COL6A3: variants seen among roughly 807,000 people sequenced by gnomAD.
COL6A3 encodes the protein collagen type VI alpha 3 chain.
A neutral mutation model predicts 274.1 loss-of-function variants in COL6A3; 137 were observed. The ratio of observed to expected loss-of-function variants is 0.50; its 90% CI spans 0.44 to 0.58. COL6A3 has a LOEUF of 0.58. Among genes scored for constraint, COL6A3 ranks in the 20% least tolerant of loss-of-function variants. The probability of loss-of-function intolerance (pLI) is 0.00; values close to 1 mark genes in which losing one functional copy is unlikely to be tolerated. For missense variants in COL6A3, 3,950 were observed against 4,124.9 expected (o/e 0.96, Z 1.16); for synonymous variants, 1,650 against 1,650.6 (o/e 1.00, Z 0.01).
Position 237,388,073 on chromosome 2 carries a change from A to G in COL6A3, c.821T>C (p.Ile274Thr), listed in dbSNP as rs1334986893. ...CCCCACTCGGATCTGCTGAGTTCCAATTGGGAGTTTCTCAAGGAGATTTAC... is the reference window on the plus strand; with the variant it reads ...CCCCACTCGGATCTGCTGAGTTCCAGTTGGGAGTTTCTCAAGGAGATTTAC... ...FLVNLLEKLP[I>T]GTQQIRVGVV... is the part of the protein sequence containing the mutation. Residue 274 changes from isoleucine to threonine, a missense_variant, in exon 4 of 44, where the codon ATT (isoleucine) becomes ACT (threonine). Around this residue, in one of 5 missense-constraint regions of COL6A3, gnomAD observed 1,934 missense variants for 1,984.3 expected, o/e 0.97. Transcript: ENST00000295550. 1.7e-5 allele frequency: 28 copies of G among 1,614,108 alleles called. No homozygotes were observed. The highest frequency in any genetic ancestry group is 2.2e-5 in the East Asian group (1 of 44,898).
Position 237,369,033 on chromosome 2 carries a change from A to T in COL6A3, c.4430T>A (p.Val1477Asp). 6.2e-7 allele frequency: 1 copy of T among 1,614,140 alleles called. No homozygotes were observed. The highest frequency in any genetic ancestry group is 1.1e-5 in the South Asian group (1 of 91,080). The change falls in exon 10 of 44, where the codon GTC becomes GAC. Residue 1477 changes from valine to aspartate, a missense_variant. Physicochemically the swap from Val to Asp is radical, Grantham distance 152 (BLOSUM62 -3). Transcript: ENST00000295550. ...GAAGACATCATTGCTGAACTGCACG[A>T]CCCCAACTCTCACTTTACTGGGGCC... ...NIGPSKVRVG[V>D]VQFSNDVFPE...
In COL6A3 at chr2:237,407,990, C is replaced by A. The variant is rs1342093554; in HGVS notation, c.-31+5963G>T. On this transcript the variant is annotated intron_variant, in intron 1 of 43. Coordinates refer to ENST00000295550, the MANE Select transcript of COL6A3 (RefSeq NM_004369.4). This position sits in a 1 kb window ranked among gnomAD's most constrained non-coding sequence, Gnocchi z 4.3. ...CTTATTCCTGTCTTTTCCTTCTTGG[C>A]AATGAACTAAGGTGCTACTGACCTT... 1.3e-5 allele frequency among the ~76,000 whole-genome samples: 2 copies of A among 152,186 alleles called. No homozygotes were observed. The highest frequency in any genetic ancestry group is 1.9e-4 in the East Asian group (1 of 5,200).
Position 237,381,336 on chromosome 2 carries a change from A to G in COL6A3, c.1476T>C (p.Thr492=), listed in dbSNP as rs773433402. 6.2e-7 allele frequency: 1 copy of G among 1,614,218 alleles called. No individual in the cohort carries two copies. Residue 492 remains threonine (T), a synonymous_variant, in exon 5 of 44, where the codon ACT becomes ACC. Transcript: ENST00000295550. The part of the protein sequence containing the change: ...IQVAVAQYAD[T]VRPEFYFNTH... ...TATTGAAATAAAATTCAGGCCTCAC[A>G]GTGTCTGCATACTGGGCCACTGCCA...
rs1574951990 is a variant in COL6A3 at position 237,346,629 on chromosome 2, A to G, written c.7030-64T>C. ...AAAGTGGAGAATTTAAGGCTCCTAT[A>G]GTTGGAAGGTACGGTAAAAGTGATC... On this transcript the variant is annotated intron_variant, in intron 31 of 43. Transcript: ENST00000295550. 10 of 1,453,386 alleles carry G rather than the reference A, an allele frequency of 6.9e-6. No individual in the cohort carries two copies. In the East Asian group the frequency reaches 2.3e-4, roughly 33 times the overall value. The allele number at this position is 1,453,386 out of a possible 1,614,324, so 90.0% of individuals were successfully genotyped here. A position where few individuals can be genotyped will look rare whatever the true frequency, so the allele number is the denominator to read the frequency against.
chr2:237,326,708 C>T (rs913599962), intron 42 of COL6A3: 21 of 152,202 alleles, frequency 1.4e-4, no homozygotes, highest in African/African-American at 4.1e-4. Flanking sequence ...CCAGCTCTCC[C>T]CTACAAAGAG....
intron 1 of COL6A3, among the ~76,000 whole-genome samples, chr2:237,403,495 A>C (rs1445571708): frequency 6.6e-6 from 1 of 152,172 alleles, no homozygotes; most frequent in Non-Finnish European, 1.5e-5. Flanking sequence ...GAAATGCATC[A>C]ACAGTGAGAA....
chr2:237,324,682 A>C lies in COL6A3; in HGVS notation c.*92T>G. Reference sequence around the variant, plus strand: ...ATCAAAGCATGAAATGATACAGTGCAAGGGAATCTACACCCGGAGCTTCTA... The same window carrying C: ...ATCAAAGCATGAAATGATACAGTGCCAGGGAATCTACACCCGGAGCTTCTA... On this transcript the variant is annotated 3_prime_UTR_variant, in exon 44 of 44. Coordinates refer to ENST00000295550, the MANE Select transcript of COL6A3 (RefSeq NM_004369.4). 1 of 1,157,376 alleles carries C rather than the reference A, an allele frequency of 8.6e-7. No individual in the cohort carries two copies. Among genetic ancestry groups the C allele is most frequent in the Non-Finnish European group, 1.3e-6 (1 of 770,934 alleles). 71.7% of individuals were successfully genotyped at this position (1,157,376 alleles called of 1,614,324 possible).
intron 1 of COL6A3, among the ~76,000 whole-genome samples, chr2:237,401,278 T>C (rs1319388008): frequency 6.6e-6 from 1 of 152,228 alleles, no homozygotes; most frequent in Non-Finnish European, 1.5e-5. Flanking sequence ...CTCAAAGATA[T>C]ATGTGCACAC....
At position 237,374,501 on chromosome 2, in the gene COL6A3, A is replaced by C; in HGVS notation, c.3590T>G (p.Val1197Gly). ...AIPTFRQLGT[V>G]QQVISERVTQ... is the part of the protein sequence containing the mutation. ...CACCCTCTCAGAGATGACCTGTTGGACGGTCCCCAGCTGGCGAAAGGTGGG... is the reference window on the plus strand; with the variant it reads ...CACCCTCTCAGAGATGACCTGTTGGCCGGTCCCCAGCTGGCGAAAGGTGGG... Residue 1197 changes from valine to glycine, a missense_variant, in exon 8 of 44, where the codon GTC becomes GGC. Coordinates refer to ENST00000295550, the MANE Select transcript of COL6A3 (RefSeq NM_004369.4). The surrounding 1 kb of genome is among the most constrained non-coding windows in gnomAD (Gnocchi z 4.8). 1 of 1,614,096 alleles carries C rather than the reference A, an allele frequency of 6.2e-7. No homozygotes were observed. Among genetic ancestry groups the C allele is most frequent in the Non-Finnish European group, 8.5e-7 (1 of 1,180,008 alleles).
chr2:237,369,717 T>C (rs944226106), intron 9 of COL6A3, among the ~76,000 whole-genome samples: 1 of 152,246 alleles, frequency 6.6e-6, no homozygotes, highest in African/African-American at 2.4e-5. Flanking sequence ...CAGTGCCATA[T>C]CCAAGGGGTC....
intron 29 of COL6A3, 106 bp downstream of exon 29, chr2:237,348,507 A>G: frequency 7.2e-7 from 1 of 1,388,692 alleles, no homozygotes; most frequent in Non-Finnish European, 1.0e-6. Flanking sequence ...TCAAATACAA[A>G]GACAATTTTT....
At chr2:237,362,865 T>C (rs2077468315) in intron 14 of COL6A3, among the ~76,000 whole-genome samples, 1 of 152,220 alleles carries the variant, frequency 6.6e-6, no homozygotes, top group South Asian at 2.1e-4. Flanking sequence ...TTTCTTTTCC[T>C]GCATGTTGTT....
intron 16 of COL6A3, among the ~76,000 whole-genome samples, 164 bp from the exon 17 acceptor site, chr2:237,360,323 G>T (rs562092375): frequency 8.8e-4 from 134 of 152,268 alleles, no homozygotes; most frequent in African/African-American, 3.1e-3. Flanking sequence ...AGCCTCTTGG[G>T]CCCCTGCATG....
chr2:237,403,741 G>A (rs562309188), intron 1 of COL6A3, among the ~76,000 whole-genome samples: 2 of 152,116 alleles, frequency 1.3e-5, no homozygotes, highest in East Asian at 1.9e-4. Context: ...CTTTAGCCCG[G>A]TCGCAGCACA....
At chr2:237,391,678 C>T (rs1361110749) in intron 3 of COL6A3, among the ~76,000 whole-genome samples, 1 of 152,122 alleles carries the variant, frequency 6.6e-6, no homozygotes, top group African/African-American at 2.4e-5. Flanking sequence ...ACGCCCACCA[C>T]CACACCTGGC....
Position 237,381,511 on chromosome 2 carries a change from A to G in COL6A3, c.1313-12T>C. 1 of 1,592,100 alleles carries G rather than the reference A, an allele frequency of 6.3e-7. No homozygotes were observed. Among genetic ancestry groups the G allele is most frequent in the Non-Finnish European group, 8.5e-7 (1 of 1,172,836 alleles). On this transcript the variant is annotated splice_polypyrimidine_tract_variant and intron_variant, in intron 4 of 43. Transcript: ENST00000295550. ...GTTGACTTCAATGACTGTAGGTGGCAACATTATAAGGCAATTAGAATGGCC... is the reference window on the plus strand; with the variant it reads ...GTTGACTTCAATGACTGTAGGTGGCGACATTATAAGGCAATTAGAATGGCC...
Position 237,371,925 on chromosome 2 carries a change from C to T in COL6A3, c.4092G>A (p.Val1364=), listed in dbSNP as rs1344496205. 7 of 1,613,942 alleles carry T rather than the reference C, an allele frequency of 4.3e-6. No homozygotes were observed. The highest frequency in any genetic ancestry group is 5.9e-6 in the Non-Finnish European group (7 of 1,180,042). ...DPAVELKQFG[V]APFTIARNAD... ...CGTTCCTGGCGATCGTGAAAGGGGC[C>T]ACGCCAAACTGCTTGAGCTCCACCG... Residue 1364 remains valine, a synonymous_variant, in exon 9 of 44, where the codon GTG becomes GTA. Transcript: ENST00000295550. This position sits in a 1 kb window ranked among gnomAD's most constrained non-coding sequence, Gnocchi z 4.3.
chr2:237,332,070 C>CATATATAT lies in COL6A3; in HGVS notation c.9328+1372_9328+1379dup, dbSNP rs58082340. ...CCCCCCATCTCTCTCTCTCTCTCTA[C>CATATATAT]ATATATATATATATATATATATATA... On this transcript the variant is annotated intron_variant, in intron 42 of 43. Coordinates refer to ENST00000295550, the MANE Select transcript of COL6A3 (RefSeq NM_004369.4). Among the ~76,000 whole-genome samples, 96 of 35,132 alleles carry CATATATAT rather than the reference C, an allele frequency of 2.7e-3. 5 individuals are homozygous for CATATATAT. Among genetic ancestry groups the CATATATAT allele is most frequent in the Non-Finnish European group, 4.0e-3 (58 of 14,360 alleles). 23.0% of individuals were successfully genotyped at this position (35,132 alleles called of 152,430 possible).
chr2:237,348,413 C>G, intron 29 of COL6A3, 29 bp from the exon 30 acceptor site: 1 of 1,557,278 alleles, frequency 6.4e-7, no homozygotes, highest in African/African-American at 1.4e-5. Context: ...TTATTTAATA[C>G]TTGGTTCTAA....
Sources: gnomAD v4.1 joint callset for allele counts (sites outside exome capture counted in the v4.1 genomes callset) on GRCh38, gnomAD v4.1.1 for gene constraint, gnomAD v4.1.1 regional missense constraint, Gnocchi (gnomAD v3.1) non-coding constraint, MANE v1.5 for transcripts, NCBI Gene and HGNC (gene_info 2026-07-23, HGNC 2026-07-21) for gene names.